ZSWIM5: variants seen among roughly 807,000 people sequenced by gnomAD.
The protein encoded by ZSWIM5 is zinc finger SWIM domain-containing protein 5.
ZSWIM5 carries 55 observed loss-of-function variants against 119.6 expected under a neutral mutation model. The observed-to-expected ratio is 0.46, with a 90% CI of 0.37 to 0.58. ZSWIM5 has a LOEUF of 0.58. ZSWIM5 is among the 20% of genes least tolerant of loss of function. The probability of loss-of-function intolerance (pLI) is 0.00; values close to 1 mark genes in which losing one functional copy is unlikely to be tolerated. For synonymous variants in ZSWIM5, 537 were observed against 606.9 expected (o/e 0.88, Z 1.69); for missense variants, 1,193 against 1,512.8 (o/e 0.79, Z 3.51).
Position 45,067,451 on chromosome 1 carries a change from AAAAG to A in ZSWIM5, c.953-7208_953-7205del, listed in dbSNP as rs1553191167. On this transcript the variant is annotated intron_variant, in intron 2 of 13. Transcript: ENST00000359600. The stretch of plus-strand genomic sequence containing the variant: ...TAAGACCCTGCCTCAAAAAAAAAAA[AAAAG>A]AAAGAAAGAAAGAAAGAAATACATT... Among the ~76,000 whole-genome samples, 369 of 136,716 alleles carry A rather than the reference AAAAG, an allele frequency of 2.7e-3. 1 individual carries two copies. The highest frequency in any genetic ancestry group is 9.4e-3 in the African/African-American group (341 of 36,242). The allele number at this position is 136,716 out of a possible 152,430, so 89.7% of individuals were successfully genotyped here.
At position 45,020,455 on chromosome 1, in the gene ZSWIM5, T is replaced by C. The variant is rs556784103; in HGVS notation, c.2613+170A>G. ...CTTGCTTCTGGCCTTAACTTAAAAG[T>C]GGAGCCCAATTTATGAAATCCTTGC... On this transcript the variant is annotated intron_variant, in intron 12 of 13. Coordinates refer to ENST00000359600, the MANE Select transcript of ZSWIM5 (RefSeq NM_020883.2). 6.6e-5 allele frequency among the ~76,000 whole-genome samples: 10 copies of C among 152,310 alleles called. No homozygotes were observed. In the East Asian group the frequency reaches 1.7e-3, roughly 26 times the overall value.
chr1:45,043,268 C>G lies in ZSWIM5; in HGVS notation c.1560G>C (p.Arg520=), dbSNP rs1645027469. The G allele has an allele frequency of 1.2e-6, 2 of 1,613,972 alleles. No individual in the cohort carries two copies. The highest frequency in any genetic ancestry group is 1.7e-6 in the Non-Finnish European group (2 of 1,180,016). The change falls in exon 6 of 14, where the codon CGG becomes CGC. Residue 520 remains arginine, a synonymous_variant. Coordinates refer to ENST00000359600, the MANE Select transcript of ZSWIM5 (RefSeq NM_020883.2). ...AATTAAAGAGTAGTCTTTCACTTTCCCGCTGGCAGGCAGGAGCTGTATAAA... is the reference window on the plus strand; with the variant it reads ...AATTAAAGAGTAGTCTTTCACTTTCGCGCTGGCAGGCAGGAGCTGTATAAA... ...SDVYTAPACQ[R]ESERLLFNSQ...
intron 1 of ZSWIM5, among the ~76,000 whole-genome samples, chr1:45,202,410 A>G (rs1570217562): frequency 1.3e-5 from 2 of 152,210 alleles, no homozygotes; most frequent in South Asian, 4.1e-4. Flanking sequence ...AGTTATAGAT[A>G]ACTTCCTGAA....
At chr1:45,129,901 A>T (rs1276192095) in intron 1 of ZSWIM5, among the ~76,000 whole-genome samples, 13 of 146,738 alleles carry the variant, frequency 8.9e-5, no homozygotes, top group East Asian at 4.0e-4. Flanking sequence ...ATAAAAGGAA[A>T]TTTTTTTTTT....
chr1:45,165,985 G>C (rs901573959), intron 1 of ZSWIM5, among the ~76,000 whole-genome samples: 1 of 152,034 alleles, frequency 6.6e-6, no homozygotes, highest in Non-Finnish European at 1.5e-5. Context: ...GCATCATCCT[G>C]ATACCAAAGC....
rs1424560188 is a variant in ZSWIM5, at chr1:45,017,150, T to C, written c.*1304A>G. The C allele has an allele frequency of 6.6e-6, 1 of 152,144 alleles. No individual in the cohort carries two copies. The highest frequency in any genetic ancestry group is 1.5e-5 in the Non-Finnish European group (1 of 68,034). 9.4% of individuals were successfully genotyped at this position (152,144 alleles called of 1,614,324 possible). On this transcript the variant is annotated 3_prime_UTR_variant, in exon 14 of 14. Coordinates refer to ENST00000359600, the MANE Select transcript of ZSWIM5 (RefSeq NM_020883.2). ...AGGCACAGAGATGGGGAACAAACGT[T>C]TAGCTGGCGAGAGAGATTTAAGAGG...
chr1:45,039,262 C>T (rs1417504346), intron 7 of ZSWIM5, among the ~76,000 whole-genome samples, 189 bp from the exon 8 acceptor site: 1 of 152,198 alleles, frequency 6.6e-6, no homozygotes, highest in Non-Finnish European at 1.5e-5. Flanking sequence ...ACGTGGTCTG[C>T]ATTTGGGTTG....
At chr1:45,058,801 A>G (rs1250335244) in intron 3 of ZSWIM5, 42 bp from the exon 4 acceptor site, 1 of 1,609,066 alleles carries the variant, frequency 6.2e-7, no homozygotes, top group Admixed American at 1.7e-5. Flanking sequence ...ATTGTGTATC[A>G]CAAAAAAGTA....
rs763524303 is a variant in ZSWIM5 at position 45,060,128 on chromosome 1, C to T, written c.1072G>A (p.Gly358Arg). ...GCAAACATTGAGTTGAGTTGCTTTC[C>T]AGAGCCACAGTAACCGCCCTGGGAG... Reference protein sequence around the residue: ...FLSQGGYCGSGKQLNSMFAKV... With the variant: ...FLSQGGYCGSRKQLNSMFAKV... The change falls in exon 3 of 14, where the codon GGA becomes AGA. Residue 358 changes from glycine (G) to arginine (R), a missense_variant. This residue lies in a region of ZSWIM5 where 961 missense variants were observed against 1,290.0 expected (regional missense o/e 0.74). Coordinates refer to ENST00000359600, the MANE Select transcript of ZSWIM5 (RefSeq NM_020883.2). The T allele has an allele frequency of 2.5e-6, 4 of 1,614,052 alleles. No homozygotes were observed. The highest frequency in any genetic ancestry group is 1.1e-5 in the South Asian group (1 of 91,088).
At chr1:45,165,148 C>G (rs1294854845) in intron 1 of ZSWIM5, among the ~76,000 whole-genome samples, 3 of 152,100 alleles carry the variant, frequency 2.0e-5, no homozygotes, top group Non-Finnish European at 4.4e-5. Context: ...AACTAGAACT[C>G]AGGATTAACA....
chr1:45,177,428 A>G (rs1645988083), intron 1 of ZSWIM5, among the ~76,000 whole-genome samples: 1 of 152,128 alleles, frequency 6.6e-6, no homozygotes, highest in Admixed American at 6.6e-5. Flanking sequence ...GGTTATACAG[A>G]GTGGTAACAG....
chr1:45,149,606 G>A (rs1217643764), intron 1 of ZSWIM5, among the ~76,000 whole-genome samples: 1 of 152,084 alleles, frequency 6.6e-6, no homozygotes, highest in East Asian at 1.9e-4. Flanking sequence ...TGGAGATAAG[G>A]ATGAAAGAAC....
chr1:45,082,185 G>A (rs927045321), intron 2 of ZSWIM5, among the ~76,000 whole-genome samples: 6 of 151,644 alleles, frequency 4.0e-5, no homozygotes, highest in East Asian at 3.9e-4. Context: ...GGACACAAAC[G>A]CTGCGGAAGG....
chr1:45,160,067 T>C (rs1045115091), intron 1 of ZSWIM5, among the ~76,000 whole-genome samples: 1 of 152,200 alleles, frequency 6.6e-6, no homozygotes, highest in African/African-American at 2.4e-5. Context: ...AAATGCTCTT[T>C]AAGGGTCTGC....
At chr1:45,046,374 T>G (rs1300652792) in intron 5 of ZSWIM5, among the ~76,000 whole-genome samples, 7 of 152,156 alleles carry the variant, frequency 4.6e-5, no homozygotes, top group African/African-American at 1.7e-4. Context: ...ATTCTGGATA[T>G]ATTTCAAAGA....
At chr1:45,156,451 T>A (rs1437797915) in intron 1 of ZSWIM5, among the ~76,000 whole-genome samples, 2 of 11,510 alleles carry the variant, frequency 1.7e-4, no homozygotes, top group Non-Finnish European at 3.1e-4. Flanking sequence ...AAAGTTGAAA[T>A]TATTTAAAAA....
At chr1:45,091,811 G>T (rs1645365826) in intron 1 of ZSWIM5, among the ~76,000 whole-genome samples, 1 of 152,110 alleles carries the variant, frequency 6.6e-6, no homozygotes, top group African/African-American at 2.4e-5. Context: ...TTCCCTTCCT[G>T]CATGAAAACT....
intron 1 of ZSWIM5, among the ~76,000 whole-genome samples, chr1:45,148,217 A>C (rs1645774716): frequency 6.6e-6 from 1 of 152,204 alleles, no homozygotes; most frequent in Non-Finnish European, 1.5e-5. Flanking sequence ...TTACATATGC[A>C]CAAACCCATA....
At position 45,106,730 on chromosome 1, in the gene ZSWIM5, C is replaced by G. The variant is rs187144664; in HGVS notation, c.596-18493G>C. Among the ~76,000 whole-genome samples the G allele has an allele frequency of 2.3e-3, 352 of 152,214 alleles. 2 individuals are homozygous for G. The highest frequency in any genetic ancestry group is 7.7e-3 in the African/African-American group (321 of 41,510). On this transcript the variant is annotated intron_variant, in intron 1 of 13. Coordinates refer to ENST00000359600, the MANE Select transcript of ZSWIM5 (RefSeq NM_020883.2). ...ACAGCTCCAAAGAGACAGCGACCATCAAGAATGGGCCATGATGACTATGGC... is the reference window on the plus strand; with the variant it reads ...ACAGCTCCAAAGAGACAGCGACCATGAAGAATGGGCCATGATGACTATGGC...
Sources: gnomAD v4.1 joint callset for allele counts (sites outside exome capture counted in the v4.1 genomes callset) on GRCh38, gnomAD v4.1.1 for gene constraint, gnomAD v4.1.1 regional missense constraint, MANE v1.5 for transcripts, NCBI Gene and HGNC (gene_info 2026-07-23, HGNC 2026-07-21) for gene names.